The following KIF27 variants were observed in gnomAD, a reference collection of about 807,000 sequenced individuals.
The protein encoded by KIF27 is kinesin-like protein KIF27.
KIF27 carries 84 observed loss-of-function variants against 141.8 expected under a neutral mutation model. The ratio of observed to expected loss-of-function variants is 0.59; its 90% CI spans 0.50 to 0.71. The LOEUF (loss-of-function observed/expected upper bound fraction) is 0.71. Ranked by LOEUF, KIF27 falls within the 30% of genes least tolerant of loss-of-function variation. The pLI is 0.00. For missense variants in KIF27, 1,306 were observed against 1,628.4 expected, an observed-to-expected ratio of 0.80 and a Z score of 3.41; for synonymous variants, 471 against 569.5, an observed-to-expected ratio of 0.83 and a Z score of 2.46.
chr9:83,890,680 T>A (rs529234762), intron 6 of KIF27, among the ~76,000 whole-genome samples: 2 of 152,308 alleles, frequency 1.3e-5, no homozygotes, highest in South Asian at 4.1e-4. Context: ...CAGATGGATC[T>A]CACGTGAACA....
rs59546743 is a variant in KIF27, at chr9:83,914,104, TA to T, written c.298+1189del. 6.0e-3 allele frequency among the ~76,000 whole-genome samples: 837 copies of T among 139,308 alleles called. 5 individuals are homozygous for T. The highest frequency in any genetic ancestry group is 8.2e-3 in the Non-Finnish European group (523 of 63,836). The allele number at this position is 139,308 out of a possible 152,430, so 91.4% of individuals were successfully genotyped here. ...AATAGTACTCATGGTCTCTTAATAA[TA>T]AAAAAAAAAGATAGCTATAATTAAG... On this transcript the variant is annotated intron_variant, in intron 2 of 17. Coordinates refer to ENST00000297814, the MANE Select transcript of KIF27 (RefSeq NM_017576.4).
At chr9:83,872,180 C>T (rs1216563880) in intron 11 of KIF27, among the ~76,000 whole-genome samples, 4 of 151,776 alleles carry the variant, frequency 2.6e-5, no homozygotes, top group East Asian at 2.0e-4. Flanking sequence ...AAAAATTAGC[C>T]GGGCGTGTGC....
chr9:83,867,571 T>A, intron 13 of KIF27, 113 bp downstream of exon 13: 1 of 1,331,856 alleles, frequency 7.5e-7, no homozygotes, highest in African/African-American at 1.5e-5. Flanking sequence ...AAGGTCCCAA[T>A]TTCTCCACCT....
At chr9:83,884,785 C>T (rs1255114081) in intron 9 of KIF27, among the ~76,000 whole-genome samples, 1 of 152,164 alleles carries the variant, frequency 6.6e-6, no homozygotes, top group Non-Finnish European at 1.5e-5. Flanking sequence ...ACAAGGTCCA[C>T]AATACATTTG....
chr9:83,868,174 T>G (rs1320491457), intron 12 of KIF27: 2 of 218,668 alleles, frequency 9.1e-6, no homozygotes, highest in Non-Finnish European at 1.8e-5. Flanking sequence ...TTTTACTCTG[T>G]TGTAGTGGTG....
intron 14 of KIF27, among the ~76,000 whole-genome samples, chr9:83,857,052 CTTTAAT>C (rs1198295458): frequency 7.4e-6 from 1 of 134,720 alleles, no homozygotes; most frequent in Admixed American, 7.7e-5. Flanking sequence ...TTCAGGTATT[CTTTAAT>C]TTTAGTTTCT....
At chr9:83,841,163 C>T (rs1458186694) in intron 17 of KIF27, among the ~76,000 whole-genome samples, 4 of 152,062 alleles carry the variant, frequency 2.6e-5, no homozygotes, top group East Asian at 1.9e-4. Flanking sequence ...CTCCGCCTCC[C>T]GGGTTCAAGC....
chr9:83,848,976 C>G (rs1235672195), intron 16 of KIF27: 1 of 152,076 alleles, frequency 6.6e-6, no homozygotes, highest in Non-Finnish European at 1.5e-5. Context: ...CCACGCTTGG[C>G]TAGTTTTCTG....
At chr9:83,909,726 A>T (rs1178500925) in intron 2 of KIF27, among the ~76,000 whole-genome samples, 1 of 152,128 alleles carries the variant, frequency 6.6e-6, no homozygotes, top group Non-Finnish European at 1.5e-5. Context: ...GTAGAAATGT[A>T]TATTTTAATA....
chr9:83,893,876 T>G (rs1952918412), intron 5 of KIF27, among the ~76,000 whole-genome samples: 1 of 151,510 alleles, frequency 6.6e-6, no homozygotes, highest in African/African-American at 2.4e-5. Context: ...TACTAGCTAG[T>G]GAAACTGCAA....
intron 16 of KIF27, among the ~76,000 whole-genome samples, chr9:83,846,931 CA>C (rs1416190188): frequency 6.6e-6 from 1 of 152,098 alleles, no homozygotes; most frequent in African/African-American, 2.4e-5. Flanking sequence ...CCTGGACTAT[CA>C]AGATGAAATC....
intron 1 of KIF27, among the ~76,000 whole-genome samples, chr9:83,916,620 T>C (rs1955707529): frequency 6.6e-6 from 1 of 151,916 alleles, no homozygotes; most frequent in Non-Finnish European, 1.5e-5. Flanking sequence ...TGGCTAAAAA[T>C]ATATATAAAC....
At chr9:83,870,931 A>G (rs1195929347) in intron 11 of KIF27, among the ~76,000 whole-genome samples, 1 of 151,864 alleles carries the variant, frequency 6.6e-6, no homozygotes. Flanking sequence ...ATTTTTTTAG[A>G]GATAGGGTCT....
At chr9:83,857,219 G>A (rs1338104888) in intron 14 of KIF27, among the ~76,000 whole-genome samples, 7 of 152,102 alleles carry the variant, frequency 4.6e-5, no homozygotes, top group Non-Finnish European at 8.8e-5. Context: ...ACTGTGGAAA[G>A]AGAAAATTAT....
chr9:83,849,467 T>C (rs1178481127), intron 16 of KIF27: 2 of 152,330 alleles, frequency 1.3e-5, no homozygotes, highest in African/African-American at 2.4e-5. Flanking sequence ...CAGTATCACC[T>C]AACAATGATT....
chr9:83,852,061 GA>G (rs1948655734), intron 15 of KIF27, among the ~76,000 whole-genome samples: 1 of 151,902 alleles, frequency 6.6e-6, no homozygotes, highest in Non-Finnish European at 1.5e-5. Flanking sequence ...CCGGGGGGCG[GA>G]GGTTGCAGTG....
chr9:83,897,375 T>C (rs965938321), intron 5 of KIF27, among the ~76,000 whole-genome samples: 10 of 152,086 alleles, frequency 6.6e-5, no homozygotes, highest in Non-Finnish European at 1.2e-4. Context: ...GAGAAGATGG[T>C]TTCCAATAAA....
At chr9:83,874,051 CA>C (rs10708977) in intron 11 of KIF27, among the ~76,000 whole-genome samples, 25,009 of 147,336 alleles carry the variant, frequency 0.17, 2,289 homozygotes, top group African/African-American at 0.23. Flanking sequence ...GACTCCGTGT[CA>C]AAAAAAAAAA....
rs562575370 is a variant in KIF27, at chr9:83,879,644, G to A, written c.2643+653C>T. On this transcript the variant is annotated intron_variant, in intron 11 of 17. Coordinates refer to ENST00000297814, the MANE Select transcript of KIF27 (RefSeq NM_017576.4). ...TCATCTTTTTCAAAAAAGCCCTGTG[G>A]GACAAGTAGGATTAAGGCCATTTTA... Among the ~76,000 whole-genome samples, 27 of 151,962 alleles carry A rather than the reference G, an allele frequency of 1.8e-4. No individual in the cohort carries two copies. The South Asian group carries it at 5.6e-3, about 32-fold the overall frequency.
Sources: gnomAD v4.1 joint callset for allele counts (sites outside exome capture counted in the v4.1 genomes callset) on GRCh38, gnomAD v4.1.1 for gene constraint, MANE v1.5 for transcripts, NCBI Gene and HGNC (gene_info 2026-07-23, HGNC 2026-07-21) for gene names.